PTPRC: variants seen among roughly 807,000 people sequenced by gnomAD.
The protein encoded by PTPRC is receptor-type tyrosine-protein phosphatase C.
PTPRC carries 44 observed loss-of-function variants against 155.9 expected under a neutral mutation model. The observed-to-expected ratio is 0.28, with a 90% CI of 0.22 to 0.36. The LOEUF is 0.36. Among genes scored for constraint, PTPRC ranks in the 10% least tolerant of loss-of-function variants. PTPRC has a pLI of 1.00. For missense variants in PTPRC, 1,401 were observed against 1,564.6 expected, an observed-to-expected ratio of 0.90 and a Z score of 1.76; for synonymous variants, 525 against 533.1, an observed-to-expected ratio of 0.98 and a Z score of 0.21.
intron 2 of PTPRC, among the ~76,000 whole-genome samples, chr1:198,639,747 A>G (rs1662469081): frequency 6.6e-6 from 1 of 152,034 alleles, no homozygotes; most frequent in African/African-American, 2.4e-5. Context: ...AAAAGTCATA[A>G]AACAGCTTTG....
chr1:198,659,262 A>G (rs1409386464), intron 2 of PTPRC, among the ~76,000 whole-genome samples: 1 of 152,104 alleles, frequency 6.6e-6, no homozygotes, highest in African/African-American at 2.4e-5. Flanking sequence ...GACACATACT[A>G]TTTTATAGTA....
At chr1:198,659,409 T>C (rs563219969) in intron 2 of PTPRC, among the ~76,000 whole-genome samples, 6 of 152,264 alleles carry the variant, frequency 3.9e-5, no homozygotes, top group Non-Finnish European at 7.4e-5. Flanking sequence ...GTGGGATTTC[T>C]TGTGTAGGCC....
chr1:198,642,799 C>G (rs556483212), intron 2 of PTPRC, among the ~76,000 whole-genome samples: 1 of 151,762 alleles, frequency 6.6e-6, no homozygotes, highest in East Asian at 1.9e-4. Flanking sequence ...CTTCTCATTG[C>G]CTTTGGTATA....
At chr1:198,736,319 T>C (rs888921416) in intron 23 of PTPRC, among the ~76,000 whole-genome samples, 5 of 151,636 alleles carry the variant, frequency 3.3e-5, no homozygotes, top group Admixed American at 1.3e-4. Flanking sequence ...ACATTAACCA[T>C]CACCATTTCC....
At position 198,649,137 on chromosome 1, in the gene PTPRC, CA is replaced by C. The variant is rs371294512; in HGVS notation, c.73+9805del. ...AAACTTTGAGGAGACTAAAACAAAA[CA>C]AAAAAAAATTATTGTTTGGTTCATT... On this transcript the variant is annotated intron_variant, in intron 2 of 32. Coordinates refer to ENST00000442510, the MANE Select transcript of PTPRC (RefSeq NM_002838.5). Among the ~76,000 whole-genome samples, 1,244 of 150,514 alleles carry C rather than the reference CA, an allele frequency of 8.3e-3. 7 individuals carry two copies. Among genetic ancestry groups the C allele is most frequent in the Non-Finnish European group, 0.012 (820 of 67,446 alleles).
intron 28 of PTPRC, among the ~76,000 whole-genome samples, chr1:198,749,820 T>C (rs1250402832): frequency 6.6e-6 from 1 of 151,838 alleles, no homozygotes. Context: ...ATTTTAAAAA[T>C]AGTAAAATTT....
intron 2 of PTPRC, among the ~76,000 whole-genome samples, chr1:198,677,749 A>G (rs2102316234): frequency 6.6e-6 from 1 of 152,286 alleles, no homozygotes; most frequent in Middle Eastern, 3.4e-3. Flanking sequence ...AGCCTCCTGC[A>G]TGTATTACTA....
chr1:198,698,343 A>G (rs1027654663), intron 4 of PTPRC, among the ~76,000 whole-genome samples: 2 of 152,218 alleles, frequency 1.3e-5, no homozygotes, highest in African/African-American at 4.8e-5. Context: ...TGAAAAGTTC[A>G]TGCTTTCAAA....
Position 198,705,558 on chromosome 1 carries a change from C to T in PTPRC, c.685+1060C>T, listed in dbSNP as rs563556532. Among the ~76,000 whole-genome samples the T allele has an allele frequency of 1.5e-4, 23 of 151,566 alleles. No homozygotes were observed. In the South Asian group the frequency reaches 4.8e-3, roughly 32 times the overall value. On this transcript the variant is annotated intron_variant, in intron 8 of 32. Transcript: ENST00000442510. ...GCCTCAGCCTCCCAAGTAGCTGGGA[C>T]TATAGGCACATGCCACCGAGCCCAG...
intron 23 of PTPRC, among the ~76,000 whole-genome samples, chr1:198,741,540 G>GT (rs916235130): frequency 1.9e-4 from 29 of 151,342 alleles, no homozygotes; most frequent in East Asian, 5.9e-4. Flanking sequence ...TTTATTTTGG[G>GT]TTTTTTTTGC....
Position 198,755,945 on chromosome 1 carries a change from T to C in PTPRC, c.3685T>C (p.Tyr1229His). 1 of 1,612,696 alleles carries C rather than the reference T, an allele frequency of 6.2e-7. No homozygotes were observed. Among genetic ancestry groups the C allele is most frequent in the Non-Finnish European group, 8.5e-7 (1 of 1,179,050 alleles). The change falls in exon 33 of 33, where the codon TAC becomes CAC. Residue 1229 changes from tyrosine to histidine, a missense_variant. Transcript: ENST00000442510. ...CCTATATGACGTCATTGCCAGCACC[T>C]ACCCTGCTCAGAATGGACAAGTAAA... ...QFLYDVIASTYPAQNGQVKKN... is the reference protein window; with the variant it reads ...QFLYDVIASTHPAQNGQVKKN...
At chr1:198,736,145 G>C (rs1055202450) in intron 23 of PTPRC, among the ~76,000 whole-genome samples, 19 of 151,318 alleles carry the variant, frequency 1.3e-4, no homozygotes, top group African/African-American at 4.4e-4. Context: ...AGGGTAAATG[G>C]GGCATCCATC....
chr1:198,736,411 C>T (rs1654640076), intron 23 of PTPRC, among the ~76,000 whole-genome samples: 1 of 151,572 alleles, frequency 6.6e-6, no homozygotes, highest in African/African-American at 2.4e-5. Flanking sequence ...TAAATTTTGG[C>T]TCCCACAAAT....
rs187659302 is a variant in PTPRC at position 198,694,279 on chromosome 1, C to T, written c.100+1906C>T. On this transcript the variant is annotated intron_variant, in intron 3 of 32. Transcript: ENST00000442510. ...ACCTTCTTGTGCCTGCTTTTTCTAGCCGTGCTGGCAGTTGCTTGGATGATG... is the reference window on the plus strand; with the variant it reads ...ACCTTCTTGTGCCTGCTTTTTCTAGTCGTGCTGGCAGTTGCTTGGATGATG... The T allele has an allele frequency of 8.5e-6, 7 of 826,650 alleles. No individual in the cohort carries two copies. The African/African-American group carries it at 1.0e-4, about 12-fold the overall frequency. The allele number at this position is 826,650 out of a possible 1,614,324, so 51.2% of individuals were successfully genotyped here. A position where few individuals can be genotyped will look rare whatever the true frequency, so the allele number is the denominator to read the frequency against.
intron 23 of PTPRC, among the ~76,000 whole-genome samples, chr1:198,738,011 C>T (rs911652318): frequency 6.6e-6 from 1 of 151,726 alleles, no homozygotes; most frequent in Non-Finnish European, 1.5e-5. Flanking sequence ...GATTTTATAT[C>T]TCATGACCTT....
chr1:198,719,706 G>T (rs1218744418), intron 14 of PTPRC, among the ~76,000 whole-genome samples: 2 of 152,034 alleles, frequency 1.3e-5, no homozygotes, highest in Non-Finnish European at 2.9e-5. Flanking sequence ...CGCCTCCCGG[G>T]TTCAAATGAT....
At chr1:198,674,504 T>C (rs907236853) in intron 2 of PTPRC, among the ~76,000 whole-genome samples, 23 of 147,690 alleles carry the variant, frequency 1.6e-4, no homozygotes, top group Non-Finnish European at 3.3e-4. Context: ...TAATAACATA[T>C]AATAATATAT....
At chr1:198,646,760 G>A (rs1242334371) in intron 2 of PTPRC, among the ~76,000 whole-genome samples, 2 of 151,732 alleles carry the variant, frequency 1.3e-5, no homozygotes, top group African/African-American at 4.8e-5. Context: ...CATTTGTATG[G>A]TATTCCTCTT....
intron 2 of PTPRC, among the ~76,000 whole-genome samples, chr1:198,671,582 T>A (rs1053769807): frequency 2.6e-5 from 4 of 152,234 alleles, no homozygotes; most frequent in African/African-American, 9.6e-5. Context: ...TCTACATCTA[T>A]AGCTCCAGTT....
Sources: allele counts gnomAD v4.1 joint callset (sites outside exome capture counted in the v4.1 genomes callset), GRCh38; gene constraint gnomAD v4.1.1; transcripts MANE v1.5; gene names NCBI Gene and HGNC (gene_info 2026-07-23, HGNC 2026-07-21).